The following VPS13B variants were observed in gnomAD, a reference collection of about 807,000 sequenced individuals.
VPS13B encodes the protein intermembrane lipid transfer protein VPS13B.
A neutral mutation model predicts 426.4 loss-of-function variants in VPS13B; 285 were observed. The ratio of observed to expected loss-of-function variants is 0.67; its 90% CI spans 0.61 to 0.74. The LOEUF (loss-of-function observed/expected upper bound fraction) is 0.74, where lower values mean the gene tolerates loss of function less well. Among genes scored for constraint, VPS13B ranks in the 30% least tolerant of loss-of-function variants. VPS13B has a pLI of 0.00. For synonymous variants in VPS13B, 1,676 were observed against 1,676.4 expected (o/e 1.00, Z 0.01); for missense variants, 4,537 against 4,782.6 (o/e 0.95, Z 1.51).
At chr8:99,697,213 A>T in intron 35 of VPS13B, 1 of 567,640 alleles carries the variant, frequency 1.8e-6, no homozygotes, top group Non-Finnish European at 3.2e-6. Flanking sequence ...CAAGTGCACA[A>T]GGTAAAGCTG....
chr8:99,514,011 G>A (rs1231316242), intron 29 of VPS13B, among the ~76,000 whole-genome samples: 1 of 152,146 alleles, frequency 6.6e-6, no homozygotes, highest in African/African-American at 2.4e-5. Flanking sequence ...GTATTTGTTA[G>A]TGAGGAATAT....
chr8:99,248,200 C>G (rs1174231533), intron 17 of VPS13B, among the ~76,000 whole-genome samples: 1 of 152,118 alleles, frequency 6.6e-6, no homozygotes, highest in Non-Finnish European at 1.5e-5. Flanking sequence ...TAGCCTGTCC[C>G]TATAACATTG....
intron 17 of VPS13B, among the ~76,000 whole-genome samples, chr8:99,235,242 T>C (rs893312926): frequency 1.3e-5 from 2 of 152,216 alleles, no homozygotes; most frequent in Non-Finnish European, 2.9e-5. Context: ...ATAGTAATAA[T>C]GTAGCAGCTG....
At chr8:99,083,325 T>C (rs1845589329) in intron 3 of VPS13B, among the ~76,000 whole-genome samples, 1 of 152,224 alleles carries the variant, frequency 6.6e-6, no homozygotes, top group South Asian at 2.1e-4. Flanking sequence ...GAGACTTTGC[T>C]GAAGTTGCCT....
At position 99,240,158 on chromosome 8, in the gene VPS13B, A is replaced by G. The variant is rs146536614; in HGVS notation, c.2516-34040A>G. ...CTAAGTTATCTTTCATGTTTTGTCA[A>G]CTGCCAGGTGGACTCTGGGCATTTT... On this transcript the variant is annotated intron_variant, in intron 17 of 61. Transcript: ENST00000357162. Among the ~76,000 whole-genome samples the G allele has an allele frequency of 3.6e-3, 546 of 152,312 alleles. 5 individuals carry two copies. Among genetic ancestry groups the G allele is most frequent in the South Asian group, 0.013 (62 of 4,822 alleles).
At chr8:99,160,970 C>G (rs974237498) in intron 15 of VPS13B, among the ~76,000 whole-genome samples, 4 of 152,132 alleles carry the variant, frequency 2.6e-5, no homozygotes, top group African/African-American at 9.7e-5. Context: ...GGAAGAACAA[C>G]AGATCACATT....
intron 17 of VPS13B, among the ~76,000 whole-genome samples, chr8:99,248,926 A>T (rs188568092): frequency 6.6e-6 from 1 of 152,168 alleles, no homozygotes; most frequent in East Asian, 1.9e-4. Context: ...TTTAGAGTGT[A>T]TGATTCAGTG....
intron 61 of VPS13B, among the ~76,000 whole-genome samples, chr8:99,874,605 G>A (rs1817601077): frequency 6.6e-6 from 1 of 151,710 alleles, no homozygotes; most frequent in African/African-American, 2.4e-5. Flanking sequence ...CAAATCAGTG[G>A]CTTACAATTG....
chr8:99,353,470 G>T (rs1015938160), intron 19 of VPS13B, among the ~76,000 whole-genome samples: 2 of 152,158 alleles, frequency 1.3e-5, no homozygotes, highest in African/African-American at 4.8e-5. Flanking sequence ...GCAGTGTGTT[G>T]TAAAGGATTA....
At chr8:99,841,289 C>A (rs1224423047) in intron 54 of VPS13B, among the ~76,000 whole-genome samples, 1 of 152,244 alleles carries the variant, frequency 6.6e-6, no homozygotes, top group South Asian at 2.1e-4. Context: ...CTCCGGGCCC[C>A]ATATTACTCC....
At chr8:99,350,943 G>A (rs1468913171) in intron 19 of VPS13B, among the ~76,000 whole-genome samples, 1 of 151,772 alleles carries the variant, frequency 6.6e-6, no homozygotes, top group African/African-American at 2.4e-5. Flanking sequence ...TAGTTATTTA[G>A]TACTGTTCAT....
intron 3 of VPS13B, among the ~76,000 whole-genome samples, chr8:99,088,613 A>T (rs1294370194): frequency 6.6e-6 from 1 of 152,156 alleles, no homozygotes; most frequent in Admixed American, 6.6e-5. Context: ...TAATTTCTAA[A>T]CTTTTATAAT....
At chr8:99,868,532 TC>T in intron 59 of VPS13B, 67 bp downstream of exon 59, 1 of 1,546,306 alleles carries the variant, frequency 6.5e-7, no homozygotes, top group Non-Finnish European at 8.7e-7. Context: ...TACCAAGGGT[TC>T]CCTAAGATAG....
chr8:99,207,000 A>C (rs182260105), intron 17 of VPS13B, among the ~76,000 whole-genome samples: 1 of 152,296 alleles, frequency 6.6e-6, no homozygotes, highest in East Asian at 1.9e-4. Flanking sequence ...AGAACTACCA[A>C]TTAGACCTCT....
intron 19 of VPS13B, among the ~76,000 whole-genome samples, chr8:99,378,730 C>T (rs894562808): frequency 6.6e-6 from 1 of 152,244 alleles, no homozygotes; most frequent in Admixed American, 6.5e-5. Flanking sequence ...ACCTTCAGTG[C>T]TTGAGGATAT....
At chr8:99,742,767 A>T (rs1408398247) in intron 39 of VPS13B, among the ~76,000 whole-genome samples, 1 of 152,222 alleles carries the variant, frequency 6.6e-6, no homozygotes, top group Admixed American at 6.5e-5. Context: ...CTTTGACAAA[A>T]TTCAACAACC....
In VPS13B at chr8:99,865,715, T is replaced by C. The variant is rs77065375; in HGVS notation, c.11216-2574T>C. Reference sequence around the variant, plus strand: ...AGAAGCGCTGAGCTGGAATGTGCAGTACACTCTATGGGTCTCGTTACTTTC... The same window carrying C: ...AGAAGCGCTGAGCTGGAATGTGCAGCACACTCTATGGGTCTCGTTACTTTC... On this transcript the variant is annotated intron_variant, in intron 58 of 61. Coordinates refer to ENST00000357162, the MANE Select transcript of VPS13B (RefSeq NM_152564.5). Among the ~76,000 whole-genome samples the C allele has an allele frequency of 6.9e-3, 1,049 of 152,350 alleles. 12 individuals are homozygous for C. Among genetic ancestry groups the C allele is most frequent in the African/African-American group, 0.024 (1,001 of 41,594 alleles).
intron 5 of VPS13B, among the ~76,000 whole-genome samples, chr8:99,103,618 G>T (rs1846883442): frequency 6.7e-6 from 1 of 148,948 alleles, no homozygotes; most frequent in South Asian, 2.2e-4. Flanking sequence ...TTCTGCCTCA[G>T]CCTCCCGAGT....
intron 16 of VPS13B, among the ~76,000 whole-genome samples, chr8:99,180,787 AG>A (rs1812906394): frequency 6.6e-6 from 1 of 152,164 alleles, no homozygotes. Flanking sequence ...TAAATTGGAG[AG>A]GTGGTCTATT....
Sources: allele counts gnomAD v4.1 joint callset (sites outside exome capture counted in the v4.1 genomes callset), GRCh38; gene constraint gnomAD v4.1.1; transcripts MANE v1.5; gene names NCBI Gene and HGNC (gene_info 2026-07-23, HGNC 2026-07-21).